The following VTN variants were observed in gnomAD, a reference collection of about 807,000 sequenced individuals.
VTN encodes complement S-protein.
VTN carries 45 observed loss-of-function variants against 55.9 expected under a neutral mutation model. The observed-to-expected ratio is 0.80, with a 90% CI of 0.63 to 1.03. VTN has a LOEUF of 1.03. Ranked by LOEUF, VTN falls within the 50% of genes least tolerant of loss-of-function variation. The probability of loss-of-function intolerance (pLI) is 0.00; values close to 1 mark genes in which losing one functional copy is unlikely to be tolerated. For synonymous variants in VTN, 238 were observed against 242.3 expected (o/e 0.98, Z 0.17); for missense variants, 589 against 638.2 (o/e 0.92, Z 0.83).
At position 28,370,029 on chromosome 17, in the gene VTN, A is replaced by C; in HGVS notation, c.82T>G (p.Cys28Gly). The C allele has an allele frequency of 6.2e-7, 1 of 1,614,140 alleles. No individual in the cohort carries two copies. ...LADQESCKGR[C>G]TEGFNVDKKC... ...TTGTCCACGTTGAAGCCCTCAGTGCAGCGGCCCTTGCATGACTCTATGAGG... is the reference window on the plus strand; with the variant it reads ...TTGTCCACGTTGAAGCCCTCAGTGCCGCGGCCCTTGCATGACTCTATGAGG... Residue 28 changes from cysteine (C) to glycine (G), a missense_variant, in exon 2 of 8, where the codon TGC (cysteine) becomes GGC (glycine). Around this residue, in one of 3 missense-constraint regions of VTN, gnomAD observed 217 missense variants for 241.3 expected, o/e 0.90. Coordinates refer to ENST00000226218, the MANE Select transcript of VTN (RefSeq NM_000638.4).
Position 28,368,068 on chromosome 17 carries a change from G to A in VTN, c.980-9C>T, listed in dbSNP as rs1555583330. 1 of 1,563,220 alleles carries A rather than the reference G, an allele frequency of 6.4e-7. No homozygotes were observed. Among genetic ancestry groups the A allele is most frequent in the Non-Finnish European group, 8.7e-7 (1 of 1,153,204 alleles). On this transcript the variant is annotated splice_polypyrimidine_tract_variant and intron_variant, in intron 6 of 7. Coordinates refer to ENST00000226218, the MANE Select transcript of VTN (RefSeq NM_000638.4). ...GGGCTGTCTGGTACCAGCTGTGGCA[G>A]GGAAGGGGTGAATGAGAGGTCTTGG...
intron 7 of VTN, 56 bp downstream of exon 7, chr17:28,367,659 G>C: frequency 6.4e-7 from 1 of 1,559,794 alleles, no homozygotes; most frequent in Admixed American, 1.8e-5. Context: ...TTGTGCACCA[G>C]GGACAGCAAG....
rs781987117 is a variant in VTN at position 28,367,469 on chromosome 17, C to T, written c.1337G>A (p.Arg446Gln). The part of the protein sequence containing the change: ...VFFFSGDKYY[R>Q]VNLRTRRVDT... ...CACTCGCCGTGTGCGAAGATTGACTCGGTAGTACTTGTCTGGAAGAGAGGA... is the reference window on the plus strand; with the variant it reads ...CACTCGCCGTGTGCGAAGATTGACTTGGTAGTACTTGTCTGGAAGAGAGGA... Residue 446 changes from arginine (R) to glutamine (Q), a missense_variant, in exon 8 of 8, where the codon CGA (arginine) becomes CAA (glutamine). By Grantham distance (43) the Arg-to-Gln change is conservative. This residue lies in a region of VTN where 334 missense variants were observed against 328.2 expected (regional missense o/e 1.02). Coordinates refer to ENST00000226218, the MANE Select transcript of VTN (RefSeq NM_000638.4). The T allele has an allele frequency of 1.4e-5, 22 of 1,613,414 alleles. No individual in the cohort carries two copies. The Admixed American group carries it at 2.7e-4, about 20-fold the overall frequency.
Position 28,369,668 on chromosome 17 carries a change from G to T in VTN, c.368C>A (p.Pro123His). The change falls in exon 3 of 8, where the codon CCT becomes CAT. Residue 123 changes from proline (P) to histidine (H), a missense_variant. Pro to His is a moderately conservative substitution (Grantham distance 77). Around this residue, in one of 3 missense-constraint regions of VTN, gnomAD observed 217 missense variants for 241.3 expected, o/e 0.90. Transcript: ENST00000226218. This position sits in a 1 kb window ranked among gnomAD's most constrained non-coding sequence, Gnocchi z 5.3. ...CTTAGAGGCGCCCACCTCAGGCGCA[G>T]GGGCCTCTTCCTCAGGTTTCAGAAC... ...TPVLKPEEEA[P>H]APEVGASKPE... 1 of 1,613,802 alleles carries T rather than the reference G, an allele frequency of 6.2e-7. No homozygotes were observed. The highest frequency in any genetic ancestry group is 8.5e-7 in the Non-Finnish European group (1 of 1,180,000).
At position 28,367,876 on chromosome 17, in the gene VTN, C is replaced by A; in HGVS notation, c.1163G>T (p.Gly388Val). 3 of 1,613,902 alleles carry A rather than the reference C, an allele frequency of 1.9e-6. No individual in the cohort carries two copies. The highest frequency in any genetic ancestry group is 2.5e-6 in the Non-Finnish European group (3 of 1,179,894). The change falls in exon 7 of 8, where the codon GGC (glycine) becomes GTC (valine). Residue 388 changes from glycine to valine, a missense_variant. This residue lies in a region of VTN where 334 missense variants were observed against 328.2 expected (regional missense o/e 1.02). Transcript: ENST00000226218. ...GYRSQRGHSR[G>V]RNQNSRRPSR... is the part of the protein sequence containing the mutation. ...TGGCCGGCGGGAGTTCTGGTTGCGG[C>A]CACGGCTGTGGCCTCGTTGTGAACG...
At position 28,367,353 on chromosome 17, in the gene VTN, A is replaced by G; in HGVS notation, c.*16T>C. 1 of 1,556,342 alleles carries G rather than the reference A, an allele frequency of 6.4e-7. No homozygotes were observed. Among genetic ancestry groups the G allele is most frequent in the South Asian group, 1.2e-5 (1 of 84,308 alleles). Reference sequence around the variant, plus strand: ...GGAGGGAGCTACAGAGGGCCCGGCCATGTGGGCTCTGACTCCTACAGATGG... The same window carrying G: ...GGAGGGAGCTACAGAGGGCCCGGCCGTGTGGGCTCTGACTCCTACAGATGG... On this transcript the variant is annotated 3_prime_UTR_variant, in exon 8 of 8. Coordinates refer to ENST00000226218, the MANE Select transcript of VTN (RefSeq NM_000638.4).
chr17:28,370,078 A>G (rs782207434), intron 1 of VTN, 32 bp from the exon 2 acceptor site: 4 of 1,613,876 alleles, frequency 2.5e-6, no homozygotes, highest in Non-Finnish European at 3.4e-6. Flanking sequence ...CGGTGCCACC[A>G]AGCCCAGACC....
At chr17:28,368,811 A>G (rs2071379) in intron 5 of VTN, 61 bp downstream of exon 5, 1,011,721 of 1,611,632 alleles carry the variant, frequency 0.63, 323,292 homozygotes, top group East Asian at 0.94. Flanking sequence ...CCCCAGTGAA[A>G]TGTGAAAGGA....
In VTN at chr17:28,368,041, T is replaced by C; in HGVS notation, c.998A>G (p.Gln333Arg). 1 of 1,582,284 alleles carries C rather than the reference T, an allele frequency of 6.3e-7. No homozygotes were observed. Among genetic ancestry groups the C allele is most frequent in the African/African-American group, 1.3e-5 (1 of 74,410 alleles). ...GRTSAGTRQP[Q>R]FISRDWHGVP... ...ACCGTGCCAGTCCCGGCTAATGAAC[T>C]GGGGCTGTCTGGTACCAGCTGTGGC... is the stretch of plus-strand genomic sequence containing the variant. Residue 333 changes from glutamine (Q) to arginine (R), a missense_variant, in exon 7 of 8, where the codon CAG becomes CGG. Gln to Arg is a conservative substitution (Grantham distance 43). This residue lies in a region of VTN where 334 missense variants were observed against 328.2 expected (regional missense o/e 1.02). Coordinates refer to ENST00000226218, the MANE Select transcript of VTN (RefSeq NM_000638.4).
In VTN at chr17:28,369,529, G is replaced by A. The variant is rs35339100; in HGVS notation, c.507C>T (p.Asn169=). Residue 169 remains asparagine, a synonymous_variant, in exon 3 of 8, where the codon AAC becomes AAT. Coordinates refer to ENST00000226218, the MANE Select transcript of VTN (RefSeq NM_000638.4). This position sits in a 1 kb window ranked among gnomAD's most constrained non-coding sequence, Gnocchi z 5.3. The part of the protein sequence containing the change: ...KPFDAFTDLK[N]GSLFAFRGQY... The stretch of plus-strand genomic sequence containing the variant: ...CACCTCGGAAGGCAAAGAGGGAACC[G>A]TTCTTGAGGTCGGTGAAGGCGTCGA... The A allele has an allele frequency of 4.4e-4, 709 of 1,608,090 alleles. 2 individuals carry two copies. The African/African-American group carries it at 7.8e-3, about 18-fold the overall frequency.
In VTN at chr17:28,368,981, G is replaced by T. The variant is rs781902151; in HGVS notation, c.717C>A (p.Tyr239Ter). 2.5e-6 allele frequency: 4 copies of T among 1,603,136 alleles called. No individual in the cohort carries two copies. The highest frequency in any genetic ancestry group is 1.1e-5 in the South Asian group (1 of 89,526). The change falls in exon 5 of 8, where the codon TAC becomes TAA. Residue 239 changes from tyrosine to a stop codon, truncating the protein, a stop_gained. Coordinates refer to ENST00000226218, the MANE Select transcript of VTN (RefSeq NM_000638.4). LOFTEE classifies it high-confidence loss of function. ...RFEDGVLDPD[Y>*]PRNISDGFDG... ...CGAAGCCGTCAGAGATATTTCGGGGGTAATCAGGGTCCAGGACACCATCCT... is the reference window on the plus strand; with the variant it reads ...CGAAGCCGTCAGAGATATTTCGGGGTTAATCAGGGTCCAGGACACCATCCT...
At position 28,369,483 on chromosome 17, in the gene VTN, C is replaced by T. The variant is rs532276485; in HGVS notation, c.529+24G>A. The T allele has an allele frequency of 8.8e-6, 14 of 1,595,086 alleles. No individual in the cohort carries two copies. The highest frequency in any genetic ancestry group is 1.2e-5 in the Non-Finnish European group (14 of 1,171,208). On this transcript the variant is annotated intron_variant, in intron 3 of 7. Coordinates refer to ENST00000226218, the MANE Select transcript of VTN (RefSeq NM_000638.4). The surrounding 1 kb of genome is among the most constrained non-coding windows in gnomAD (Gnocchi z 5.3). The stretch of plus-strand genomic sequence containing the variant: ...GGACGCTCCTGGGGCAGACCCGCAT[C>T]CCCAGTACCTGCCCTGGATTCACCT...
At position 28,367,580 on chromosome 17, in the gene VTN, A is replaced by C. The variant is rs1555583189; in HGVS notation, c.1325-99T>G. 2.8e-6 allele frequency: 4 copies of C among 1,406,048 alleles called. No homozygotes were observed. The Admixed American group carries it at 7.7e-5, about 27-fold the overall frequency. 87.1% of individuals were successfully genotyped at this position (1,406,048 alleles called of 1,614,324 possible). ...GTCTCTCCCAGAAGGGAAAGTGAAC[A>C]TCCATGATGCAGCTAAGGACTTCTG... On this transcript the variant is annotated intron_variant, in intron 7 of 7. Transcript: ENST00000226218.
chr17:28,367,549 T>C lies in VTN; in HGVS notation c.1325-68A>G. 4 of 1,470,404 alleles carry C rather than the reference T, an allele frequency of 2.7e-6. No homozygotes were observed. In the South Asian group the frequency reaches 4.7e-5, roughly 17 times the overall value. 91.1% of individuals were successfully genotyped at this position (1,470,404 alleles called of 1,614,324 possible). On this transcript the variant is annotated intron_variant, in intron 7 of 7. Coordinates refer to ENST00000226218, the MANE Select transcript of VTN (RefSeq NM_000638.4). The stretch of plus-strand genomic sequence containing the variant: ...CCCTGCCCACTCTTCCCTTGAGAAG[T>C]CTAGGGTCTCTCCCAGAAGGGAAAG...
chr17:28,368,487 T>A, intron 6 of VTN, 34 bp downstream of exon 6: 1 of 1,610,396 alleles, frequency 6.2e-7, no homozygotes, highest in Admixed American at 1.7e-5. Context: ...TCAGCCCTTT[T>A]GAGGGAGAAG....
At position 28,367,422 on chromosome 17, in the gene VTN, G is replaced by C. The variant is rs2067913854; in HGVS notation, c.1384C>G (p.Pro462Ala). 1 of 1,613,048 alleles carries C rather than the reference G, an allele frequency of 6.2e-7. No individual in the cohort carries two copies. The highest frequency in any genetic ancestry group is 8.5e-7 in the Non-Finnish European group (1 of 1,179,728). ...RRVDTVDPPYPRSIAQYWLGC... is the reference protein window; with the variant it reads ...RRVDTVDPPYARSIAQYWLGC... ...AGCCAGTACTGAGCGATGGAGCGTG[G>C]GTAGGGAGGGTCCACAGTGTCCACT... Residue 462 changes from proline to alanine, a missense_variant, in exon 8 of 8, where the codon CCA (proline) becomes GCA (alanine). Transcript: ENST00000226218.
chr17:28,369,472 C>T lies in VTN; in HGVS notation c.529+35G>A, dbSNP rs782649817. Reference sequence around the variant, plus strand: ...TGTGAGAGCAGGGACGCTCCTGGGGCAGACCCGCATCCCCAGTACCTGCCC... The same window carrying T: ...TGTGAGAGCAGGGACGCTCCTGGGGTAGACCCGCATCCCCAGTACCTGCCC... On this transcript the variant is annotated intron_variant, in intron 3 of 7. Transcript: ENST00000226218. This position sits in a 1 kb window ranked among gnomAD's most constrained non-coding sequence, Gnocchi z 5.3. 3 of 1,590,778 alleles carry T rather than the reference C, an allele frequency of 1.9e-6. No individual in the cohort carries two copies. The East Asian group carries it at 6.7e-5, about 36-fold the overall frequency.
rs371066052 is a variant in VTN at position 28,368,938 on chromosome 17, C to T, written c.760G>A (p.Val254Met). ...SDGFDGIPDN[V>M]DAALALPAHS... ...GCAGGGAGGGCCAAGGCTGCATCCA[C>T]GTTGTCCGGGATGCCATCGAAGCCG... Residue 254 changes from valine (V) to methionine (M), a missense_variant, in exon 5 of 8, where the codon GTG becomes ATG. Around this residue, in one of 3 missense-constraint regions of VTN, gnomAD observed 334 missense variants for 328.2 expected, o/e 1.02. Transcript: ENST00000226218. The T allele has an allele frequency of 2.0e-5, 32 of 1,605,006 alleles. No individual in the cohort carries two copies. The highest frequency in any genetic ancestry group is 4.5e-5 in the East Asian group (2 of 44,880).
rs546780648 is a variant in VTN, at chr17:28,369,751, G to GC, written c.284dup (p.Ser97LeufsTer5). On this transcript the variant is annotated frameshift_variant, in exon 3 of 8. Transcript: ENST00000226218. LOFTEE classifies it high-confidence loss of function. The surrounding 1 kb of genome is among the most constrained non-coding windows in gnomAD (Gnocchi z 5.3). ...CCTGGAGGTCAGAGGTCAGGGAGGG[G>GC]CCCCCCACCTGTTCATGGACAGTGG... The GC allele has an allele frequency of 8.3e-4, 1,341 of 1,613,952 alleles. No homozygotes were observed. Among genetic ancestry groups the GC allele is most frequent in the Admixed American group, 1.5e-3 (89 of 60,030 alleles).
Sources: gnomAD v4.1 joint callset for allele counts on GRCh38, gnomAD v4.1.1 for gene constraint, gnomAD v4.1.1 regional missense constraint, Gnocchi (gnomAD v3.1) non-coding constraint, MANE v1.5 for transcripts, NCBI Gene and HGNC (gene_info 2026-07-23, HGNC 2026-07-21) for gene names.